OPCML: variants seen among roughly 807,000 people sequenced by gnomAD.
The protein encoded by OPCML is opioid binding protein/cell adhesion molecule like.
Under a neutral mutation model 37.8 loss-of-function variants are expected in OPCML, and 13 were observed. The observed-to-expected ratio is 0.34, with a 90% confidence interval of 0.22 to 0.55. The LOEUF is 0.55. OPCML is among the 20% of genes least tolerant of loss of function. OPCML has a pLI of 0.91. For missense variants in OPCML, 341 were observed against 435.6 expected (o/e 0.78, Z 1.93); for synonymous variants, 176 against 168.8 (o/e 1.04, Z -0.33).
intron 4 of OPCML, among the ~76,000 whole-genome samples, chr11:132,478,575 T>C (rs914394475): frequency 1.3e-5 from 2 of 152,186 alleles, no homozygotes; most frequent in Admixed American, 6.5e-5. Context: ...TCCTTAAAAA[T>C]AGAAAACAAA....
intron 2 of OPCML, among the ~76,000 whole-genome samples, chr11:132,662,788 A>G (rs1942040607): frequency 6.6e-6 from 1 of 152,228 alleles, no homozygotes; most frequent in Middle Eastern, 3.2e-3. Flanking sequence ...TAACTTTACA[A>G]TGAAATTCTC....
At chr11:132,726,315 C>T (rs974802463) in intron 2 of OPCML, among the ~76,000 whole-genome samples, 3 of 152,076 alleles carry the variant, frequency 2.0e-5, no homozygotes, top group Admixed American at 2.0e-4. Flanking sequence ...TGGCAGCAGG[C>T]AAAGGGAAAG....
intron 2 of OPCML, among the ~76,000 whole-genome samples, chr11:132,833,041 C>T (rs1377235393): frequency 1.3e-5 from 2 of 152,040 alleles, no homozygotes. Flanking sequence ...CCAGTTAGTA[C>T]CGGGGACTTT....
intron 4 of OPCML, among the ~76,000 whole-genome samples, chr11:132,459,164 A>G (rs1434908525): frequency 2.6e-5 from 4 of 152,236 alleles, no homozygotes; most frequent in East Asian, 1.9e-4. Context: ...CTGGAACAGG[A>G]ACCCGCTCCT....
intron 2 of OPCML, among the ~76,000 whole-genome samples, chr11:132,890,724 G>A (rs1943609267): frequency 6.6e-6 from 1 of 150,508 alleles, no homozygotes; most frequent in African/African-American, 2.4e-5. Flanking sequence ...AGGCGTGGTG[G>A]TGGGCGCCTG....
intron 4 of OPCML, among the ~76,000 whole-genome samples, chr11:132,476,794 A>T (rs574491479): frequency 2.6e-5 from 4 of 152,188 alleles, no homozygotes; most frequent in African/African-American, 9.6e-5. Context: ...TACATATGTA[A>T]CAAACCTGCA....
At chr11:133,466,916 C>T (rs1447198083) in intron 1 of OPCML, among the ~76,000 whole-genome samples, 1 of 152,162 alleles carries the variant, frequency 6.6e-6, no homozygotes, top group Non-Finnish European at 1.5e-5. Flanking sequence ...AGACTTCTGG[C>T]ATATCCTCGG....
intron 1 of OPCML, among the ~76,000 whole-genome samples, chr11:133,215,015 G>A (rs547128852): frequency 3.9e-5 from 6 of 152,278 alleles, no homozygotes; most frequent in African/African-American, 1.4e-4. Context: ...GCTTCCTTTA[G>A]AATGGCATAA....
intron 1 of OPCML, among the ~76,000 whole-genome samples, chr11:133,319,182 A>G (rs1002703297): frequency 6.6e-6 from 1 of 152,182 alleles, no homozygotes; most frequent in Non-Finnish European, 1.5e-5. Flanking sequence ...AATCAGAAAG[A>G]GTCTGTTCTT....
At chr11:133,351,128 G>T (rs892178323) in intron 1 of OPCML, among the ~76,000 whole-genome samples, 1 of 152,150 alleles carries the variant, frequency 6.6e-6, no homozygotes, top group African/African-American at 2.4e-5. Context: ...TGGCTTTCCC[G>T]CGATTTGCCA....
At chr11:132,739,070 G>C (rs548404943) in intron 2 of OPCML, among the ~76,000 whole-genome samples, 32 of 152,152 alleles carry the variant, frequency 2.1e-4, no homozygotes, top group Admixed American at 4.6e-4. Context: ...ACTCCTATCA[G>C]CTCAGAAATG....
chr11:133,001,132 A>G (rs1946993963), intron 1 of OPCML, among the ~76,000 whole-genome samples: 1 of 152,180 alleles, frequency 6.6e-6, no homozygotes, highest in South Asian at 2.1e-4. Context: ...AGTCTCAGTT[A>G]TTCCTTAATA....
chr11:132,864,130 G>A (rs1237322358), intron 2 of OPCML, among the ~76,000 whole-genome samples: 1 of 151,856 alleles, frequency 6.6e-6, no homozygotes, highest in Non-Finnish European at 1.5e-5. Flanking sequence ...TAGAGACGGG[G>A]TTTCACCATG....
At chr11:132,548,486 C>G (rs1001313336) in intron 3 of OPCML, among the ~76,000 whole-genome samples, 1 of 152,160 alleles carries the variant, frequency 6.6e-6, no homozygotes, top group African/African-American at 2.4e-5. Flanking sequence ...CGTTCATCTG[C>G]TCATTTCCCT....
At chr11:133,182,829 A>T (rs1239414181) in intron 1 of OPCML, among the ~76,000 whole-genome samples, 1 of 152,120 alleles carries the variant, frequency 6.6e-6, no homozygotes, top group Non-Finnish European at 1.5e-5. Context: ...CATATATATG[A>T]TGGCTGCTGA....
chr11:132,773,762 G>C (rs757937923), intron 2 of OPCML, among the ~76,000 whole-genome samples: 1 of 151,896 alleles, frequency 6.6e-6, no homozygotes, highest in Non-Finnish European at 1.5e-5. Context: ...CTTTCTTCTG[G>C]ATATTATCAG....
intron 1 of OPCML, among the ~76,000 whole-genome samples, chr11:133,363,955 A>T (rs1196271502): frequency 2.0e-5 from 3 of 152,142 alleles, no homozygotes; most frequent in Non-Finnish European, 4.4e-5. Flanking sequence ...GCTCGCAGTG[A>T]CCTAGCCCTG....
At chr11:133,448,643 A>T (rs975890368) in intron 1 of OPCML, among the ~76,000 whole-genome samples, 6 of 152,116 alleles carry the variant, frequency 3.9e-5, no homozygotes, top group Non-Finnish European at 2.9e-5. Flanking sequence ...TTTTTAGTAG[A>T]GATGGGGTTT....
chr11:132,869,589 T>G (rs1942715822), intron 2 of OPCML, among the ~76,000 whole-genome samples: 1 of 152,206 alleles, frequency 6.6e-6, no homozygotes, highest in African/African-American at 2.4e-5. Flanking sequence ...TTGAACTTAG[T>G]AAGATGAGCT....
Sources: allele counts gnomAD v4.1 joint callset (sites outside exome capture counted in the v4.1 genomes callset), GRCh38; gene constraint gnomAD v4.1.1; transcripts MANE v1.5; gene names NCBI Gene and HGNC (gene_info 2026-07-23, HGNC 2026-07-21).